Variants in WDPCP observed in about 807,000 individuals in gnomAD.
WDPCP encodes the protein WD repeat-containing and planar cell polarity effector protein fritz homolog.
A neutral mutation model predicts 93.1 loss-of-function variants in WDPCP; 71 were observed. The ratio of observed to expected loss-of-function variants is 0.76; its 90% CI spans 0.63 to 0.93. WDPCP has a LOEUF of 0.93. Among genes scored for constraint, WDPCP ranks in the 40% least tolerant of loss-of-function variants. The probability of loss-of-function intolerance (pLI) is 0.00; values close to 1 mark genes in which losing one functional copy is unlikely to be tolerated. For missense variants in WDPCP, 844 were observed against 887.4 expected (o/e 0.95, Z 0.62); for synonymous variants, 315 against 315.0 (o/e 1.00, Z 0.00).
chr2:63,243,270 T>C (rs1376512435), intron 14 of WDPCP, among the ~76,000 whole-genome samples: 1 of 152,192 alleles, frequency 6.6e-6, no homozygotes, highest in African/African-American at 2.4e-5. Context: ...GGTTTTGATT[T>C]GCATCTCTCT....
Position 63,218,599 on chromosome 2 carries a change from G to T in WDPCP, c.1915+40708C>A, listed in dbSNP as rs552368719. ...GGCTGGAGTGCAGTGGCCCTATCTC[G>T]GCTCATTGCAACCTCCGCCTCCCGG... On this transcript the variant is annotated intron_variant, in intron 14 of 17. Transcript: ENST00000272321. Among the ~76,000 whole-genome samples the T allele has an allele frequency of 3.9e-5, 6 of 152,098 alleles. No homozygotes were observed. In the East Asian group the frequency reaches 1.2e-3, roughly 29 times the overall value.
intron 1 of WDPCP, among the ~76,000 whole-genome samples, chr2:63,520,794 G>T (rs1176787250): frequency 6.6e-6 from 1 of 151,738 alleles, no homozygotes; most frequent in Non-Finnish European, 1.5e-5. Context: ...TACTCAGAAG[G>T]CTGAGGTGGG....
chr2:63,728,081 T>C (rs1669515481), intron 2 of WDPCP, among the ~76,000 whole-genome samples: 1 of 152,182 alleles, frequency 6.6e-6, no homozygotes, highest in Admixed American at 6.5e-5. Flanking sequence ...TCCAGGAGAA[T>C]ATCTGAAGAC....
At chr2:63,658,679 A>C (rs1161254757) in intron 2 of WDPCP, among the ~76,000 whole-genome samples, 2 of 152,256 alleles carry the variant, frequency 1.3e-5, no homozygotes, top group African/African-American at 4.8e-5. Context: ...TAATGCTCAA[A>C]TAACAATAGT....
intron 17 of WDPCP, among the ~76,000 whole-genome samples, chr2:63,123,301 T>C (rs932808000): frequency 1.3e-5 from 2 of 152,146 alleles, no homozygotes; most frequent in African/African-American, 4.8e-5. Context: ...GTTCATCAAC[T>C]GGCAGAGATC....
chr2:63,158,957 T>G, intron 15 of WDPCP, among the ~76,000 whole-genome samples: 1 of 91,776 alleles, frequency 1.1e-5, no homozygotes. Context: ...GGTAACATGG[T>G]AAAACCTCAT....
At chr2:63,520,708 A>G (rs1226133776) in intron 1 of WDPCP, among the ~76,000 whole-genome samples, 1 of 152,082 alleles carries the variant, frequency 6.6e-6, no homozygotes, top group Non-Finnish European at 1.5e-5. Flanking sequence ...CCTGGGCAAC[A>G]TGGCAAAATC....
At chr2:63,159,494 T>C (rs1176908691) in intron 15 of WDPCP, among the ~76,000 whole-genome samples, 1 of 152,200 alleles carries the variant, frequency 6.6e-6, no homozygotes, top group Admixed American at 6.5e-5. Context: ...TTTTCTCATG[T>C]GAGTTGAGAT....
intron 14 of WDPCP, among the ~76,000 whole-genome samples, chr2:63,194,098 C>T (rs962857203): frequency 6.6e-6 from 1 of 152,152 alleles, no homozygotes; most frequent in Non-Finnish European, 1.5e-5. Context: ...TTATTACAAA[C>T]CTTTAAAAAT....
chr2:63,173,259 ACT>A (rs1428859685), intron 15 of WDPCP, among the ~76,000 whole-genome samples: 1 of 136,948 alleles, frequency 7.3e-6, no homozygotes, highest in East Asian at 2.0e-4. Flanking sequence ...CTAGAGCGAA[ACT>A]CTGTCGCAAA....
chr2:63,336,199 A>G (rs1376931803), intron 12 of WDPCP, among the ~76,000 whole-genome samples: 1 of 152,196 alleles, frequency 6.6e-6, no homozygotes, highest in African/African-American at 2.4e-5. Flanking sequence ...TTTCTTGCAC[A>G]AGATCCAAGA....
chr2:63,607,630 AC>A (rs1709561639), intron 3 of WDPCP, among the ~76,000 whole-genome samples: 1 of 151,594 alleles, frequency 6.6e-6, no homozygotes, highest in African/African-American at 2.4e-5. Flanking sequence ...GGAGATCGAG[AC>A]CATCCTGGCT....
chr2:63,777,146 A>G (rs1670315845), intron 2 of WDPCP, among the ~76,000 whole-genome samples: 1 of 152,202 alleles, frequency 6.6e-6, no homozygotes, highest in African/African-American at 2.4e-5. Flanking sequence ...CCATTATACA[A>G]TATATACATG....
At chr2:63,215,907 G>T (rs1221364132) in intron 14 of WDPCP, among the ~76,000 whole-genome samples, 3 of 151,686 alleles carry the variant, frequency 2.0e-5, no homozygotes, top group Non-Finnish European at 4.4e-5. Context: ...GATATGAACA[G>T]ACATTTCTCA....
intron 12 of WDPCP, among the ~76,000 whole-genome samples, chr2:63,341,654 G>C (rs1052915052): frequency 6.6e-6 from 1 of 152,148 alleles, no homozygotes; most frequent in Non-Finnish European, 1.5e-5. Flanking sequence ...TCAACTATTA[G>C]TGTATAACTT....
At chr2:63,138,642 T>A (rs1044493854) in intron 17 of WDPCP, among the ~76,000 whole-genome samples, 1 of 151,826 alleles carries the variant, frequency 6.6e-6, no homozygotes, top group Non-Finnish European at 1.5e-5. Context: ...TTAGTAGAGA[T>A]GGGGTTTCAC....
chr2:63,757,723 G>A (rs763234742), intron 2 of WDPCP, among the ~76,000 whole-genome samples: 15 of 152,142 alleles, frequency 9.9e-5, no homozygotes, highest in South Asian at 2.1e-4. Context: ...AATTTACTCT[G>A]GCCAATGAAA....
intron 10 of WDPCP, among the ~76,000 whole-genome samples, chr2:63,395,872 T>C (rs10427219): frequency 0.56 from 85,758 of 151,824 alleles, 24,541 homozygotes; most frequent in Admixed American, 0.64. Context: ...GGATTACAGG[T>C]ATGTGCCACC....
At chr2:63,154,243 C>T (rs1672077658) in intron 15 of WDPCP, among the ~76,000 whole-genome samples, 1 of 151,606 alleles carries the variant, frequency 6.6e-6, no homozygotes, top group Non-Finnish European at 1.5e-5. Flanking sequence ...CTGTTATTAC[C>T]ATTACAAACA....
Sources: allele counts gnomAD v4.1 joint callset (sites outside exome capture counted in the v4.1 genomes callset), GRCh38; gene constraint gnomAD v4.1.1; transcripts MANE v1.5; gene names NCBI Gene and HGNC (gene_info 2026-07-23, HGNC 2026-07-21).